The following ASTL variants were observed in gnomAD, a reference collection of about 807,000 sequenced individuals.
ASTL encodes the protein astacin like metalloendopeptidase, also known as astacin-like metalloendopeptidase.
ASTL carries 27 observed loss-of-function variants against 36.7 expected under a neutral mutation model. The observed-to-expected ratio is 0.73, with a 90% CI of 0.54 to 1.01. The LOEUF (loss-of-function observed/expected upper bound fraction) is 1.01, where lower values mean the gene tolerates loss of function less well. Among genes scored for constraint, ASTL ranks in the 50% least tolerant of loss-of-function variants. The probability of loss-of-function intolerance (pLI) is 0.00; values close to 1 mark genes in which losing one functional copy is unlikely to be tolerated. For synonymous variants in ASTL, 222 were observed against 228.1 expected (o/e 0.97, Z 0.24); for missense variants, 524 against 572.8 (o/e 0.91, Z 0.87).
In ASTL at chr2:96,132,667, G is replaced by A. The variant is rs201045455; in HGVS notation, c.510C>T (p.Pro170=). 3.2e-5 allele frequency: 52 copies of A among 1,613,042 alleles called. No individual in the cohort carries two copies. Among genetic ancestry groups the A allele is most frequent in the Non-Finnish European group, 2.5e-5 (30 of 1,179,538 alleles). The change falls in exon 6 of 9, where the codon CCC becomes CCT. Residue 170 remains proline, a synonymous_variant. Transcript: ENST00000342380. This position sits in a 1 kb window ranked among gnomAD's most constrained non-coding sequence, Gnocchi z 5.4. ...TGCCCCGGCCCTTCTGGAGACACGT[G>A]GGCGCCAGGGAGACCACCTGCATCC... is the stretch of plus-strand genomic sequence containing the variant. ...SGGMQVVSLA[P]TCLQKGRGIV...
In ASTL at chr2:96,130,940, T is replaced by G. The variant is rs139216871; in HGVS notation, c.638-795A>C. On this transcript the variant is annotated intron_variant, in intron 6 of 8. Transcript: ENST00000342380. ...AAAGTCTATTCCATCCCCTGCTTCC[T>G]GAGTTCCCACCTCCCCGCCCCACAA... 2.7e-3 allele frequency among the ~76,000 whole-genome samples: 417 copies of G among 152,338 alleles called. 5 individuals are homozygous for G. The highest frequency in any genetic ancestry group is 9.6e-3 in the African/African-American group (399 of 41,576).
chr2:96,134,345 C>T lies in ASTL; in HGVS notation c.244-287G>A, dbSNP rs114425276. Among the ~76,000 whole-genome samples, 503 of 152,352 alleles carry T rather than the reference C, an allele frequency of 3.3e-3. 2 individuals carry two copies. Among genetic ancestry groups the T allele is most frequent in the African/African-American group, 0.011 (472 of 41,586 alleles). On this transcript the variant is annotated intron_variant, in intron 3 of 8. Coordinates refer to ENST00000342380, the MANE Select transcript of ASTL (RefSeq NM_001002036.4). ...ATGTTGGCTAGGAGGCCCAGCACCC[C>T]AGGGTGCCCTGAATCAGAAGGGCTT... is the stretch of plus-strand genomic sequence containing the variant.
intron 3 of ASTL, 103 bp downstream of exon 3, chr2:96,135,248 T>C (rs1410554153): frequency 2.3e-6 from 2 of 870,890 alleles, no homozygotes; most frequent in Admixed American, 2.2e-5. Flanking sequence ...AAGCTATGTA[T>C]GTCCCTCACA....
chr2:96,133,168 A>G (rs1292304558), intron 5 of ASTL, among the ~76,000 whole-genome samples: 7 of 152,172 alleles, frequency 4.6e-5, no homozygotes, highest in African/African-American at 1.7e-4. Flanking sequence ...TCTGCCCCGC[A>G]AAACCTCCTC....
rs958222904 is a variant in ASTL at position 96,132,290 on chromosome 2, C to G, written c.637+250G>C. 6.6e-6 allele frequency among the ~76,000 whole-genome samples: 1 copy of G among 152,206 alleles called. No homozygotes were observed. On this transcript the variant is annotated intron_variant, in intron 6 of 8. Transcript: ENST00000342380. The surrounding 1 kb of genome is among the most constrained non-coding windows in gnomAD (Gnocchi z 5.4). ...GTCAGGGATGAGAAGCGAGACAAAG[C>G]AGGTGGTGGCGCCCTAGCTAAGGCA...
chr2:96,134,132 C>T (rs1682246881), intron 3 of ASTL, 74 bp from the exon 4 acceptor site: 6 of 948,182 alleles, frequency 6.3e-6, no homozygotes, highest in Non-Finnish European at 1.0e-5. Flanking sequence ...GTACCACACC[C>T]CAGGGCACCA....
chr2:96,126,653 C>T (rs1447429373), intron 8 of ASTL, among the ~76,000 whole-genome samples: 1 of 151,918 alleles, frequency 6.6e-6, no homozygotes, highest in African/African-American at 2.4e-5. Context: ...GTCAGGAGTT[C>T]GAGACCAGCC....
intron 2 of ASTL, 60 bp from the exon 3 acceptor site, chr2:96,135,472 G>A: frequency 2.7e-6 from 4 of 1,479,518 alleles, no homozygotes; most frequent in Non-Finnish European, 3.8e-6. Context: ...TCGTGGGACA[G>A]GCCAAGCAAA....
intron 3 of ASTL, 24 bp downstream of exon 3, chr2:96,135,325 CCA>C: frequency 6.2e-7 from 1 of 1,602,158 alleles, no homozygotes; most frequent in East Asian, 2.2e-5. Context: ...TTATCCGCAC[CCA>C]CACACGTCAG....
chr2:96,136,194 G>A (rs1249193715), intron 2 of ASTL, among the ~76,000 whole-genome samples: 1 of 152,248 alleles, frequency 6.6e-6, no homozygotes, highest in Non-Finnish European at 1.5e-5. Context: ...CAGATCCCAT[G>A]GGCGCTCCAG....
chr2:96,137,589 G>A lies in ASTL; in HGVS notation c.167C>T (p.Pro56Leu), dbSNP rs775715292. 2.7e-5 allele frequency: 44 copies of A among 1,613,880 alleles called. No homozygotes were observed. In the East Asian group the frequency reaches 9.6e-4, roughly 35 times the overall value. Residue 56 changes from proline (P) to leucine (L), a missense_variant, in exon 2 of 9, where the codon CCT becomes CTT. By Grantham distance (98) the Pro-to-Leu change is moderately conservative. Coordinates refer to ENST00000342380, the MANE Select transcript of ASTL (RefSeq NM_001002036.4). ...AGTGCCCTCACCTTGGTTAATTGCAGGAATGTCCTTGTCCCCGGAGGCCTG... is the reference window on the plus strand; with the variant it reads ...AGTGCCCTCACCTTGGTTAATTGCAAGAATGTCCTTGTCCCCGGAGGCCTG... ...GTQASGDKDIPAINQGLILEE... is the reference protein window; with the variant it reads ...GTQASGDKDILAINQGLILEE...
At chr2:96,137,812 G>T in intron 1 of ASTL, 112 bp from the exon 2 acceptor site, 1 of 1,106,504 alleles carries the variant, frequency 9.0e-7, no homozygotes, top group Non-Finnish European at 1.3e-6. Context: ...TCAGTCCCTA[G>T]GAAGAGTAGG....
At chr2:96,138,528 A>C, upstream of ASTL, 1 of 1,091,850 alleles carries the variant, frequency 9.2e-7, no homozygotes, top group Admixed American at 2.0e-5. Context: ...ACCCCCTCTT[A>C]AATAGCAGCT....
In ASTL at chr2:96,132,666, T is replaced by C. The variant is rs1682207020; in HGVS notation, c.511A>G (p.Thr171Ala). The C allele has an allele frequency of 6.2e-7, 1 of 1,613,192 alleles. No homozygotes were observed. The highest frequency in any genetic ancestry group is 1.3e-5 in the African/African-American group (1 of 74,892). ...GGMQVVSLAPTCLQKGRGIVL... is the reference protein window; with the variant it reads ...GGMQVVSLAPACLQKGRGIVL... ...ATGCCCCGGCCCTTCTGGAGACACGTGGGCGCCAGGGAGACCACCTGCATC... is the reference window on the plus strand; with the variant it reads ...ATGCCCCGGCCCTTCTGGAGACACGCGGGCGCCAGGGAGACCACCTGCATC... The change falls in exon 6 of 9, where the codon ACG becomes GCG. Residue 171 changes from threonine (T) to alanine (A), a missense_variant. Coordinates refer to ENST00000342380, the MANE Select transcript of ASTL (RefSeq NM_001002036.4). The surrounding 1 kb of genome is among the most constrained non-coding windows in gnomAD (Gnocchi z 5.4).
chr2:96,127,240 T>C (rs1242132462), intron 8 of ASTL, among the ~76,000 whole-genome samples: 1 of 151,932 alleles, frequency 6.6e-6, no homozygotes, highest in East Asian at 1.9e-4. Flanking sequence ...GCAGGTAAGG[T>C]AGTGAGGGGA....
At position 96,131,828 on chromosome 2, in the gene ASTL, A is replaced by G. The variant is rs995414576; in HGVS notation, c.637+712T>C. On this transcript the variant is annotated intron_variant, in intron 6 of 8. Transcript: ENST00000342380. ...CTTCCTGCTCCAACCCCTAAGCCAG[A>G]CTCCCACCCAAACCTCCTCTGCCCC... 1.3e-4 allele frequency among the ~76,000 whole-genome samples: 20 copies of G among 151,118 alleles called. 1 individual carries two copies. The highest frequency in any genetic ancestry group is 4.6e-4 in the African/African-American group (19 of 41,018).
At position 96,135,333 on chromosome 2, in the gene ASTL, G is replaced by A. The variant is rs377328988; in HGVS notation, c.243+18C>T. On this transcript the variant is annotated intron_variant, in intron 3 of 8. Coordinates refer to ENST00000342380, the MANE Select transcript of ASTL (RefSeq NM_001002036.4). ...TGTGGGCTTATCCGCACCCACACAC[G>A]TCAGTGTGTGCACTCACCGGCCGGA... The A allele has an allele frequency of 2.9e-4, 468 of 1,607,122 alleles. No homozygotes were observed. The highest frequency in any genetic ancestry group is 3.7e-4 in the Non-Finnish European group (437 of 1,173,774).
chr2:96,135,528 T>C (rs1682278902), intron 2 of ASTL, 116 bp from the exon 3 acceptor site: 9 of 882,106 alleles, frequency 1.0e-5, no homozygotes, highest in Non-Finnish European at 1.4e-5. Context: ...TAGTGGATTG[T>C]TACTTTTATA....
In ASTL at chr2:96,132,647, C is replaced by T. The variant is rs766783182; in HGVS notation, c.530G>A (p.Arg177Gln). The T allele has an allele frequency of 2.0e-5, 32 of 1,613,536 alleles. No homozygotes were observed. The highest frequency in any genetic ancestry group is 1.2e-4 in the South Asian group (11 of 91,078). Residue 177 changes from arginine to glutamine, a missense_variant, in exon 6 of 9, where the codon CGG becomes CAG. By Grantham distance (43) the Arg-to-Gln change is conservative. Transcript: ENST00000342380. The surrounding 1 kb of genome is among the most constrained non-coding windows in gnomAD (Gnocchi z 5.4). ...SLAPTCLQKG[R>Q]GIVLHELMHV... ...CATGAGCTCATGAAGGACAATGCCC[C>T]GGCCCTTCTGGAGACACGTGGGCGC...
Sources: gnomAD v4.1 joint callset for allele counts (sites outside exome capture counted in the v4.1 genomes callset) on GRCh38, gnomAD v4.1.1 for gene constraint, Gnocchi (gnomAD v3.1) non-coding constraint, MANE v1.5 for transcripts, NCBI Gene and HGNC (gene_info 2026-07-23, HGNC 2026-07-21) for gene names.